Variants in EYS observed in about 807,000 individuals in gnomAD.
EYS encodes EGF-like photoreceptor maintenance factor, also known as protein eyes shut homolog.
In EYS, 250 loss-of-function variants were observed where a neutral mutation model predicts 282.1. The observed-to-expected ratio is 0.89, with a 90% CI of 0.80 to 0.98. The LOEUF (loss-of-function observed/expected upper bound fraction) is 0.98. Among genes scored for constraint, EYS ranks in the 50% least tolerant of loss-of-function variants. EYS has a pLI of 0.00. For synonymous variants in EYS, 1,355 were observed against 1,282.9 expected (o/e 1.06, Z -1.20); for missense variants, 4,016 against 3,709.0 (o/e 1.08, Z -2.15).
chr6:64,703,382 G>GACACACACAC (rs1165808043), intron 22 of EYS, among the ~76,000 whole-genome samples: 4,693 of 34,874 alleles, frequency 0.13, 629 homozygotes, highest in Non-Finnish European at 0.19. Flanking sequence ...CACACACACA[G>GACACACACAC]ACACACACAC....
intron 22 of EYS, among the ~76,000 whole-genome samples, chr6:64,714,580 C>T (rs1162058552): frequency 2.8e-5 from 4 of 141,858 alleles, no homozygotes; most frequent in Non-Finnish European, 4.5e-5. Flanking sequence ...GGCTGGAGTG[C>T]AGTGGCGCAA....
At chr6:64,793,180 T>C (rs1179842004) in intron 22 of EYS, among the ~76,000 whole-genome samples, 1 of 152,158 alleles carries the variant, frequency 6.6e-6, no homozygotes, top group African/African-American at 2.4e-5. Flanking sequence ...GATTCTTTAC[T>C]GGATATTTTC....
intron 1 of EYS, among the ~76,000 whole-genome samples, chr6:65,656,924 A>C (rs1021197859): frequency 5.9e-5 from 9 of 151,938 alleles, no homozygotes; most frequent in African/African-American, 2.2e-4. Flanking sequence ...TTCTTGTTAG[A>C]GGCTAATGTA....
chr6:64,092,218 G>T (rs1366388460), intron 31 of EYS, among the ~76,000 whole-genome samples: 1 of 152,196 alleles, frequency 6.6e-6, no homozygotes, highest in Non-Finnish European at 1.5e-5. Flanking sequence ...ACATACGTGT[G>T]CATGTGTCTT....
At position 65,405,001 on chromosome 6, in the gene EYS, AG is replaced by A. The variant is rs1430676877; in HGVS notation, c.1056+172del. On this transcript the variant is annotated intron_variant, in intron 6 of 42. Coordinates refer to ENST00000503581, the MANE Select transcript of EYS (RefSeq NM_001142800.2). ...AGGGAAAATACTGATGGAAGAGCAA[AG>A]TTTTTTCCTATATAAATAGGAAAAA... Among the ~76,000 whole-genome samples the A allele has an allele frequency of 5.9e-5, 9 of 152,136 alleles. No homozygotes were observed. The East Asian group carries it at 1.7e-3, about 29-fold the overall frequency.
intron 10 of EYS, among the ~76,000 whole-genome samples, chr6:65,336,181 T>C (rs532533432): frequency 5.2e-4 from 79 of 151,882 alleles, no homozygotes; most frequent in African/African-American, 1.8e-3. Flanking sequence ...TAGTTCTTCA[T>C]AGCAGTGTGA....
At chr6:64,226,555 C>T (rs1766258531) in intron 31 of EYS, among the ~76,000 whole-genome samples, 1 of 152,060 alleles carries the variant, frequency 6.6e-6, no homozygotes, top group Non-Finnish European at 1.5e-5. Context: ...CTGAACTTTA[C>T]AGTAGGAGAC....
chr6:64,100,360 T>C (rs535991669), intron 31 of EYS, among the ~76,000 whole-genome samples: 1 of 152,326 alleles, frequency 6.6e-6, no homozygotes, highest in East Asian at 1.9e-4. Context: ...TGGAATTTTG[T>C]GATAGTTTCT....
At chr6:65,354,056 T>C (rs1764387886) in intron 8 of EYS, among the ~76,000 whole-genome samples, 1 of 152,172 alleles carries the variant, frequency 6.6e-6, no homozygotes, top group Non-Finnish European at 1.5e-5. Flanking sequence ...TCAGGGCATA[T>C]TGTCTAATAA....
chr6:63,988,416 A>C (rs928214302), intron 34 of EYS, among the ~76,000 whole-genome samples: 6 of 151,706 alleles, frequency 4.0e-5, no homozygotes, highest in Non-Finnish European at 8.9e-5. Context: ...GATTTATTAG[A>C]CCATTAAAAA....
chr6:65,482,433 G>C (rs1449451345), intron 5 of EYS, among the ~76,000 whole-genome samples: 1 of 152,150 alleles, frequency 6.6e-6, no homozygotes, highest in African/African-American at 2.4e-5. Context: ...GTTAGAGATA[G>C]GGTTAAATTG....
At chr6:64,190,246 G>A (rs1765062359) in intron 31 of EYS, among the ~76,000 whole-genome samples, 1 of 152,164 alleles carries the variant, frequency 6.6e-6, no homozygotes, top group South Asian at 2.1e-4. Flanking sequence ...AAACATGTAT[G>A]TGAACTGAAC....
chr6:65,007,917 A>G (rs908524704), intron 13 of EYS, among the ~76,000 whole-genome samples: 2 of 152,208 alleles, frequency 1.3e-5, no homozygotes, highest in African/African-American at 4.8e-5. Context: ...ATATAATGTT[A>G]CTGCTAAATC....
intron 14 of EYS, among the ~76,000 whole-genome samples, chr6:64,981,361 G>T (rs1306182668): frequency 6.6e-6 from 1 of 151,174 alleles, no homozygotes; most frequent in Admixed American, 6.6e-5. Flanking sequence ...ATCAAAGTTT[G>T]TATGATAGCC....
chr6:64,373,545 C>T (rs957139092), intron 29 of EYS, among the ~76,000 whole-genome samples: 1 of 152,178 alleles, frequency 6.6e-6, no homozygotes, highest in Non-Finnish European at 1.5e-5. Context: ...TGGGTGTAGC[C>T]TGTCTAGCAA....
chr6:65,211,271 C>A (rs1490262213), intron 12 of EYS, among the ~76,000 whole-genome samples: 1 of 151,958 alleles, frequency 6.6e-6, no homozygotes, highest in Non-Finnish European at 1.5e-5. Flanking sequence ...TACCTTTAAG[C>A]ATCTCTATTA....
chr6:64,706,863 G>A (rs565771215), intron 22 of EYS, among the ~76,000 whole-genome samples: 6 of 152,172 alleles, frequency 3.9e-5, no homozygotes, highest in Non-Finnish European at 7.4e-5. Flanking sequence ...TACACCACTG[G>A]TGGGAATGTA....
intron 24 of EYS, among the ~76,000 whole-genome samples, chr6:64,616,915 C>T (rs1048085491): frequency 2.6e-5 from 4 of 152,192 alleles, no homozygotes; most frequent in South Asian, 4.1e-4. Flanking sequence ...TGGTCAAATG[C>T]TATTTTTTAA....
intron 2 of EYS, among the ~76,000 whole-genome samples, chr6:65,530,223 G>T (rs1017173825): frequency 1.3e-5 from 2 of 152,044 alleles, no homozygotes; most frequent in African/African-American, 4.8e-5. Flanking sequence ...CAATTATTTT[G>T]CTTGGTAGCC....
Sources: allele counts gnomAD v4.1 joint callset (sites outside exome capture counted in the v4.1 genomes callset), GRCh38; gene constraint gnomAD v4.1.1; transcripts MANE v1.5; gene names NCBI Gene and HGNC (gene_info 2026-07-23, HGNC 2026-07-21).